The following KDM6A variants were observed in gnomAD, a reference collection of about 807,000 sequenced individuals.
KDM6A encodes lysine-specific demethylase 6A.
In KDM6A, 11 loss-of-function variants were observed where a neutral mutation model predicts 117.6. The ratio of observed to expected loss-of-function variants is 0.09; its 90% CI spans 0.06 to 0.15. KDM6A has a LOEUF of 0.15. KDM6A is among the 10% of genes least tolerant of loss of function. The probability of loss-of-function intolerance (pLI) is 1.00; values close to 1 mark genes in which losing one functional copy is unlikely to be tolerated. For missense variants in KDM6A, 799 were observed against 1,077.3 expected, an observed-to-expected ratio of 0.74 and a Z score of 3.62; for synonymous variants, 384 against 396.1, an observed-to-expected ratio of 0.97 and a Z score of 0.36.
chrX:45,104,531 C>T (rs2046458329), intron 27 of KDM6A, among the ~76,000 whole-genome samples: 1 of 111,902 alleles, frequency 8.9e-6, no homozygotes. Flanking sequence ...TGTTTCTTTA[C>T]TACGATCCTT....
intron 5 of KDM6A, among the ~76,000 whole-genome samples, chrX:45,016,336 C>A (rs2147628532): frequency 9.0e-6 from 1 of 111,122 alleles, no homozygotes; most frequent in African/African-American, 3.3e-5. Flanking sequence ...CTAAAATATT[C>A]TTTTATTAGT....
At chrX:44,907,648 A>T (rs746675853) in intron 2 of KDM6A, among the ~76,000 whole-genome samples, 6 of 106,735 alleles carry the variant, frequency 5.6e-5, no homozygotes, top group African/African-American at 1.0e-4. Context: ...GGGTTTCACC[A>T]TGTTGATCAG....
chrX:44,912,299 G>T (rs2035255136), intron 2 of KDM6A, among the ~76,000 whole-genome samples: 1 of 110,449 alleles, frequency 9.1e-6, no homozygotes, highest in Non-Finnish European at 1.9e-5. Flanking sequence ...ATGTTGGTCA[G>T]GCTGGTCTCG....
chrX:44,896,651 C>A (rs944689873), intron 2 of KDM6A, among the ~76,000 whole-genome samples: 16 of 52,140 alleles, frequency 3.1e-4, no homozygotes, highest in Non-Finnish European at 5.6e-4. Flanking sequence ...CAGACAGCTT[C>A]TTTAGCTGTT....
chrX:45,110,702 T>C (rs1328746778), intron 29 of KDM6A, among the ~76,000 whole-genome samples: 1 of 112,121 alleles, frequency 8.9e-6, no homozygotes, highest in African/African-American at 3.2e-5. Flanking sequence ...CATGGGAGTA[T>C]TTAATGGAGC....
rs748635713 is a variant in KDM6A at position 45,107,438 on chromosome X, T to C, written c.4063T>C (p.Cys1355Arg). The C allele has an allele frequency of 8.3e-7, 1 of 1,208,597 alleles. No homozygotes were observed. The highest frequency in any genetic ancestry group is 1.8e-5 in the South Asian group (1 of 56,926). ...TTGTCTTCTAAGAACTCTGAAGCAA[T>C]GTCAGACATTGAGGGAAGCTCTCAT... ...KYCLLRTLKQ[C>R]QTLREALIAA... Residue 1355 changes from cysteine to arginine, a missense_variant, in exon 28 of 30, where the codon TGT becomes CGT. By Grantham distance (180) the Cys-to-Arg change is radical. Coordinates refer to ENST00000611820, the MANE Select transcript of KDM6A (RefSeq NM_001291415.2).
chrX:45,058,574 C>A (rs942527253), intron 10 of KDM6A, among the ~76,000 whole-genome samples: 1 of 110,799 alleles, frequency 9.0e-6, no homozygotes, highest in Non-Finnish European at 1.9e-5. Flanking sequence ...AAATTGAAAT[C>A]TGATACAGCA....
intron 3 of KDM6A, among the ~76,000 whole-genome samples, chrX:44,962,748 TAA>T (rs35094125): frequency 8.9e-6 from 1 of 112,132 alleles, no homozygotes; most frequent in African/African-American, 3.2e-5. Flanking sequence ...GCATTATGTC[TAA>T]AAAATGTACA....
chrX:44,907,481 C>A lies in KDM6A; in HGVS notation c.225+33494C>A, dbSNP rs112104837. Among the ~76,000 whole-genome samples the A allele has an allele frequency of 4.0e-4, 29 of 73,156 alleles. No individual in the cohort carries two copies. The South Asian group carries it at 0.019, about 49-fold the overall frequency. 63.5% of individuals were successfully genotyped at this position (73,156 alleles called of 115,157 possible). The stretch of plus-strand genomic sequence containing the variant: ...TGTGTGTGTGTGTGGTTTTTTTTTT[C>A]TTTTTTTTTTTTTTTCTGAGACAGC... On this transcript the variant is annotated intron_variant, in intron 2 of 29. Coordinates refer to ENST00000611820, the MANE Select transcript of KDM6A (RefSeq NM_001291415.2).
At chrX:44,981,406 T>G (rs1392339797) in intron 4 of KDM6A, among the ~76,000 whole-genome samples, 1 of 111,812 alleles carries the variant, frequency 8.9e-6, no homozygotes, top group African/African-American at 3.3e-5. Context: ...ATGCATAGGA[T>G]GAGGTCATGT....
At chrX:45,061,556 C>T (rs1444450950) in intron 15 of KDM6A, 137 bp downstream of exon 15, 2 of 338,856 alleles carry the variant, frequency 5.9e-6, no homozygotes, top group Non-Finnish European at 5.1e-6. Flanking sequence ...TAGTGGCACG[C>T]TCTTGGCTCA....
intron 9 of KDM6A, among the ~76,000 whole-genome samples, chrX:45,052,884 G>A (rs1569531650): frequency 9.1e-6 from 1 of 110,495 alleles, no homozygotes; most frequent in African/African-American, 3.3e-5. Flanking sequence ...GTAGAGACAA[G>A]GTCTCTCTCT....
chrX:44,952,535 C>T (rs766424864), intron 2 of KDM6A, among the ~76,000 whole-genome samples: 1 of 111,010 alleles, frequency 9.0e-6, no homozygotes, highest in African/African-American at 3.3e-5. Flanking sequence ...GGCCTCCCAC[C>T]GTGCTGTGAT....
intron 4 of KDM6A, among the ~76,000 whole-genome samples, chrX:44,983,321 T>C (rs751418552): frequency 5.4e-5 from 6 of 112,058 alleles, no homozygotes; most frequent in South Asian, 3.7e-4. Flanking sequence ...TTTTCAGTTA[T>C]ACAGTTTAGG....
chrX:45,080,933 TTTG>T (rs749187879), intron 21 of KDM6A, among the ~76,000 whole-genome samples: 3 of 111,599 alleles, frequency 2.7e-5, no homozygotes, highest in East Asian at 2.8e-4. Context: ...AGCTTGGGGT[TTTG>T]TTGTTGTTTT....
intron 26 of KDM6A, 152 bp from the exon 27 acceptor site, chrX:45,090,571 A>C: frequency 1.8e-6 from 1 of 557,816 alleles, no homozygotes; most frequent in Non-Finnish European, 2.9e-6. Flanking sequence ...TATTATTACT[A>C]CTGTAATTAT....
At chrX:45,109,941 C>T (rs748473430) in intron 28 of KDM6A, 138 bp from the exon 29 acceptor site, 5 of 559,888 alleles carry the variant, frequency 8.9e-6, no homozygotes, top group Admixed American at 3.0e-5. Flanking sequence ...CAAACACAGC[C>T]ATGTTTTTCT....
intron 3 of KDM6A, among the ~76,000 whole-genome samples, chrX:44,968,063 G>A (rs1410300194): frequency 8.9e-6 from 1 of 112,395 alleles, no homozygotes; most frequent in East Asian, 2.8e-4. Context: ...TTGGAAGGTG[G>A]AGGGTAGAAC....
At chrX:45,041,367 T>A (rs2043181712) in intron 8 of KDM6A, among the ~76,000 whole-genome samples, 3 of 74,269 alleles carry the variant, frequency 4.0e-5, no homozygotes, top group African/African-American at 5.3e-5. Context: ...CACTTCCCAG[T>A]AGGGGCGGCC....
Sources: allele counts gnomAD v4.1 joint callset (sites outside exome capture counted in the v4.1 genomes callset), GRCh38; gene constraint gnomAD v4.1.1; transcripts MANE v1.5; gene names NCBI Gene and HGNC (gene_info 2026-07-23, HGNC 2026-07-21).